The following ABTB2 variants were observed in gnomAD, a reference collection of about 807,000 sequenced individuals.
The protein encoded by ABTB2 is ankyrin repeat and BTB/POZ domain-containing protein 2.
Under a neutral mutation model 104.1 loss-of-function variants are expected in ABTB2, and 56 were observed. The ratio of observed to expected loss-of-function variants is 0.54; its 90% CI spans 0.43 to 0.67. The LOEUF (loss-of-function observed/expected upper bound fraction) is 0.67. ABTB2 is among the 30% of genes least tolerant of loss of function. ABTB2 has a pLI of 0.00. For synonymous variants in ABTB2, 606 were observed against 608.2 expected (o/e 1.00, Z 0.05); for missense variants, 1,279 against 1,407.7 (o/e 0.91, Z 1.46).
chr11:34,158,609 G>C (rs1175406354), intron 14 of ABTB2, among the ~76,000 whole-genome samples: 1 of 152,192 alleles, frequency 6.6e-6, no homozygotes, highest in African/African-American at 2.4e-5. Flanking sequence ...ACACAGCCTG[G>C]AGACCTGCAG....
chr11:34,263,063 C>CGGA (rs1854207819), intron 1 of ABTB2, among the ~76,000 whole-genome samples: 1 of 152,126 alleles, frequency 6.6e-6, no homozygotes, highest in East Asian at 1.9e-4. Context: ...TAAAGGACTC[C>CGGA]GGAGGCCGGT....
chr11:34,267,422 GC>G (rs1854265136), intron 1 of ABTB2, among the ~76,000 whole-genome samples: 1 of 152,192 alleles, frequency 6.6e-6, no homozygotes, highest in East Asian at 1.9e-4. Flanking sequence ...ATCACTCCCT[GC>G]CCCCATCCCA....
intron 1 of ABTB2, among the ~76,000 whole-genome samples, chr11:34,208,422 C>T (rs1853436116): frequency 6.6e-6 from 1 of 152,150 alleles, no homozygotes; most frequent in Non-Finnish European, 1.5e-5. Context: ...ACGGAGGGAA[C>T]CGCATGCACC....
At chr11:34,226,724 C>T (rs1853692706) in intron 1 of ABTB2, among the ~76,000 whole-genome samples, 1 of 152,100 alleles carries the variant, frequency 6.6e-6, no homozygotes, top group South Asian at 2.1e-4. Context: ...AGTATGAAAC[C>T]ATAACCACTA....
At chr11:34,333,309 G>A (rs551169191) in intron 1 of ABTB2, among the ~76,000 whole-genome samples, 2 of 152,300 alleles carry the variant, frequency 1.3e-5, no homozygotes, top group East Asian at 3.9e-4. Flanking sequence ...ACCTGGGTAA[G>A]TTACATAGCG....
intron 3 of ABTB2, among the ~76,000 whole-genome samples, chr11:34,185,416 G>T (rs1044822682): frequency 6.6e-6 from 1 of 152,252 alleles, no homozygotes; most frequent in African/African-American, 2.4e-5. Flanking sequence ...CTGCAGGGAA[G>T]ACTGGCATTG....
In ABTB2 at chr11:34,356,842, C is replaced by A; in HGVS notation, c.742G>T (p.Ala248Ser). Residue 248 changes from alanine (A) to serine (S), a missense_variant, in exon 1 of 17, where the codon GCC becomes TCC. Transcript: ENST00000435224. This position sits in a 1 kb window ranked among gnomAD's most constrained non-coding sequence, Gnocchi z 4.6. The part of the protein sequence containing the change: ...LVEEIRARVM[A>S]SHSPDGGGAG... Reference sequence around the variant, plus strand: ...CCTCCGCCATCAGGGCTGTGGCTGGCCATCACCCTGGCCCGGATCTCCTCC... The same window carrying A: ...CCTCCGCCATCAGGGCTGTGGCTGGACATCACCCTGGCCCGGATCTCCTCC... The A allele has an allele frequency of 6.2e-7, 1 of 1,604,884 alleles. No homozygotes were observed. The highest frequency in any genetic ancestry group is 8.5e-7 in the Non-Finnish European group (1 of 1,175,986).
intron 3 of ABTB2, among the ~76,000 whole-genome samples, chr11:34,173,715 G>A (rs1852919412): frequency 6.6e-6 from 1 of 152,128 alleles, no homozygotes; most frequent in Non-Finnish European, 1.5e-5. Flanking sequence ...AAAGAGTTCA[G>A]TCAGGGTCGC....
At chr11:34,173,381 G>A in intron 3 of ABTB2, 74 bp from the exon 4 acceptor site, 2 of 1,472,770 alleles carry the variant, frequency 1.4e-6, no homozygotes, top group Non-Finnish European at 9.1e-7. Context: ...GTCAGGCCTG[G>A]GAGGGTGCTT....
intron 3 of ABTB2, among the ~76,000 whole-genome samples, chr11:34,193,570 G>A (rs1042669794): frequency 1.3e-5 from 2 of 152,212 alleles, no homozygotes; most frequent in African/African-American, 2.4e-5. Context: ...GGTACCCCGC[G>A]GCCTCCTGTA....
intron 1 of ABTB2, among the ~76,000 whole-genome samples, chr11:34,273,618 G>A (rs1309981305): frequency 6.6e-6 from 1 of 152,150 alleles, no homozygotes; most frequent in Non-Finnish European, 1.5e-5. Context: ...TCCGAGGAGA[G>A]GGATGGAACA....
At position 34,163,435 on chromosome 11, in the gene ABTB2, T is replaced by C. The variant is rs979323261; in HGVS notation, c.1989-630A>G. On this transcript the variant is annotated intron_variant, in intron 9 of 16. Transcript: ENST00000435224. ...CCCCGTGCTGCTGCTTTTAGCCTCGTGAGAGCCCAGACACATCACCGTCAT... is the reference window on the plus strand; with the variant it reads ...CCCCGTGCTGCTGCTTTTAGCCTCGCGAGAGCCCAGACACATCACCGTCAT... Among the ~76,000 whole-genome samples, 3 of 152,238 alleles carry C rather than the reference T, an allele frequency of 2.0e-5. No homozygotes were observed. The East Asian group carries it at 5.8e-4, about 29-fold the overall frequency.
chr11:34,196,935 AG>A (rs1193398858), intron 3 of ABTB2, among the ~76,000 whole-genome samples: 1 of 152,252 alleles, frequency 6.6e-6, no homozygotes, highest in Admixed American at 6.5e-5. Flanking sequence ...CCACTGGCCA[AG>A]GGCCAGTTCC....
chr11:34,270,343 T>C (rs1199409984), intron 1 of ABTB2, among the ~76,000 whole-genome samples: 3 of 150,142 alleles, frequency 2.0e-5, no homozygotes, highest in Non-Finnish European at 4.5e-5. Context: ...GGTTTTCCTT[T>C]TTTTTTTTTT....
chr11:34,218,846 CAAAAAAAAAAAAAAA>C lies in ABTB2; in HGVS notation c.884-14171_884-14157del, dbSNP rs35803950. 4.9e-5 allele frequency among the ~76,000 whole-genome samples: 3 copies of C among 60,966 alleles called. 1 individual carries two copies. In the Admixed American group the frequency reaches 7.2e-4, roughly 15 times the overall value. 40.0% of individuals were successfully genotyped at this position (60,966 alleles called of 152,430 possible). On this transcript the variant is annotated intron_variant, in intron 1 of 16. Coordinates refer to ENST00000435224, the MANE Select transcript of ABTB2 (RefSeq NM_145804.3). ...GGGCAACAAGAGCGAAACTCCATCTCAAAAAAAAAAAAAAAAAAAAAAAAAAGACTATCCATTGTT... is the reference window on the plus strand; with the variant it reads ...GGGCAACAAGAGCGAAACTCCATCTCAAAAAAAAAAAGACTATCCATTGTT...
chr11:34,255,861 C>T (rs571872674), intron 1 of ABTB2, among the ~76,000 whole-genome samples: 12 of 152,200 alleles, frequency 7.9e-5, no homozygotes, highest in African/African-American at 2.2e-4. Flanking sequence ...CGGTCTTATC[C>T]GAGGAGCCAT....
intron 1 of ABTB2, among the ~76,000 whole-genome samples, chr11:34,277,801 T>TC (rs1564921775): frequency 1.4e-5 from 1 of 72,578 alleles, no homozygotes; most frequent in Non-Finnish European, 2.5e-5. Flanking sequence ...CAGATTCTCT[T>TC]TTTTTTTTTT....
In ABTB2 at chr11:34,258,605, C is replaced by CTTTTTTT. The variant is rs35853565; in HGVS notation, c.884-53922_884-53916dup. On this transcript the variant is annotated intron_variant, in intron 1 of 16. Coordinates refer to ENST00000435224, the MANE Select transcript of ABTB2 (RefSeq NM_145804.3). ...AGTGAGCACTACAGAAGTGCCTGCT[C>CTTTTTTT]TTTTTTTTTTTTTTTTTTTTTTTGA... is the stretch of plus-strand genomic sequence containing the variant. Among the ~76,000 whole-genome samples the CTTTTTTT allele has an allele frequency of 3.8e-4, 36 of 95,164 alleles. 1 individual carries two copies. The highest frequency in any genetic ancestry group is 7.4e-4 in the South Asian group (2 of 2,696). 62.4% of individuals were successfully genotyped at this position (95,164 alleles called of 152,430 possible).
chr11:34,222,508 C>T (rs1193733170), intron 1 of ABTB2, among the ~76,000 whole-genome samples: 1 of 152,100 alleles, frequency 6.6e-6, no homozygotes, highest in African/African-American at 2.4e-5. Flanking sequence ...AGGTGAGGAG[C>T]CTCCTCCTCC....
Sources: gnomAD v4.1 joint callset for allele counts (sites outside exome capture counted in the v4.1 genomes callset) on GRCh38, gnomAD v4.1.1 for gene constraint, Gnocchi (gnomAD v3.1) non-coding constraint, MANE v1.5 for transcripts, NCBI Gene and HGNC (gene_info 2026-07-23, HGNC 2026-07-21) for gene names.